RSPO2: variants seen among roughly 807,000 people sequenced by gnomAD.
RSPO2 encodes the protein R-spondin 2.
A neutral mutation model predicts 30.9 loss-of-function variants in RSPO2; 14 were observed. That is an observed-to-expected ratio of 0.45 (90% CI 0.30 to 0.71). The LOEUF (loss-of-function observed/expected upper bound fraction) is 0.71. RSPO2 is among the 30% of genes least tolerant of loss of function. RSPO2 has a pLI of 0.08. For missense variants in RSPO2, 264 were observed against 301.9 expected, an observed-to-expected ratio of 0.87 and a Z score of 0.93; for synonymous variants, 107 against 96.4, an observed-to-expected ratio of 1.11 and a Z score of -0.64.
At chr8:107,996,218 T>C (rs1163611705) in intron 2 of RSPO2, among the ~76,000 whole-genome samples, 1 of 152,094 alleles carries the variant, frequency 6.6e-6, no homozygotes, top group African/African-American at 2.4e-5. Flanking sequence ...CTAGAGAGAA[T>C]CCAACTCTTG....
chr8:107,956,362 A>G (rs761003934), intron 5 of RSPO2, among the ~76,000 whole-genome samples: 3 of 152,236 alleles, frequency 2.0e-5, no homozygotes, highest in Non-Finnish European at 4.4e-5. Flanking sequence ...AACTTCAGTA[A>G]GAATTAAATC....
intron 2 of RSPO2, among the ~76,000 whole-genome samples, chr8:108,029,939 A>G (rs2130631807): frequency 6.6e-6 from 1 of 152,236 alleles, no homozygotes; most frequent in East Asian, 1.9e-4. Flanking sequence ...AAAGTTCAGA[A>G]TCTAGTGAGG....
intron 2 of RSPO2, among the ~76,000 whole-genome samples, chr8:108,051,047 T>C (rs1812064068): frequency 6.6e-6 from 1 of 152,298 alleles, no homozygotes; most frequent in African/African-American, 2.4e-5. Flanking sequence ...TAAGGATGTA[T>C]GCAAGAGCTG....
At chr8:107,954,774 C>T (rs1252696487) in intron 5 of RSPO2, among the ~76,000 whole-genome samples, 1 of 152,040 alleles carries the variant, frequency 6.6e-6, no homozygotes, top group Non-Finnish European at 1.5e-5. Flanking sequence ...CCATGCCCAG[C>T]TAATTTTTGT....
chr8:108,010,800 G>A (rs1243291967), intron 2 of RSPO2, among the ~76,000 whole-genome samples: 1 of 152,112 alleles, frequency 6.6e-6, no homozygotes, highest in Non-Finnish European at 1.5e-5. Flanking sequence ...GGAAGGAAGA[G>A]CACACCCAGA....
intron 2 of RSPO2, among the ~76,000 whole-genome samples, chr8:108,047,344 ACT>A (rs1319165625): frequency 2.6e-5 from 4 of 152,178 alleles, no homozygotes; most frequent in Non-Finnish European, 5.9e-5. Flanking sequence ...ATGCAAGGAG[ACT>A]CTGGGGATTT....
At chr8:108,057,082 A>AAAAAAAAAAAAAAAAAAAAT (rs1812277441) in intron 2 of RSPO2, among the ~76,000 whole-genome samples, 1 of 128,552 alleles carries the variant, frequency 7.8e-6, no homozygotes. Flanking sequence ...AAAAAAAAAA[A>AAAAAAAAAAAAAAAAAAAAT]AAAAAAAAAA....
chr8:108,081,834 G>A (rs1813208170), intron 2 of RSPO2: 1 of 894,486 alleles, frequency 1.1e-6, no homozygotes, highest in South Asian at 5.1e-5. Context: ...AGCAAATGGA[G>A]AGAGCGAAGT....
At chr8:108,002,249 A>G (rs1815275635) in intron 2 of RSPO2, among the ~76,000 whole-genome samples, 1 of 152,172 alleles carries the variant, frequency 6.6e-6, no homozygotes, top group Admixed American at 6.5e-5. Context: ...TGAAGATTGC[A>G]AAACCACCAC....
chr8:108,064,326 A>G (rs1812583990), intron 2 of RSPO2, among the ~76,000 whole-genome samples: 1 of 152,210 alleles, frequency 6.6e-6, no homozygotes. Flanking sequence ...AAACAAATTT[A>G]CAAGAAAAAA....
intron 3 of RSPO2, among the ~76,000 whole-genome samples, chr8:107,970,233 T>C (rs986416046): frequency 2.0e-5 from 3 of 152,208 alleles, no homozygotes; most frequent in Non-Finnish European, 4.4e-5. Context: ...AAAAAAACTT[T>C]ATGAACATTG....
intron 3 of RSPO2, among the ~76,000 whole-genome samples, chr8:107,961,596 G>T (rs1813628577): frequency 6.6e-6 from 1 of 152,082 alleles, no homozygotes; most frequent in Non-Finnish European, 1.5e-5. Flanking sequence ...GTGCTTTCAG[G>T]TCTGTTACAT....
At chr8:108,013,724 G>C (rs1414427154) in intron 2 of RSPO2, among the ~76,000 whole-genome samples, 1 of 152,122 alleles carries the variant, frequency 6.6e-6, no homozygotes, top group Non-Finnish European at 1.5e-5. Context: ...AGACTTAAAT[G>C]TAAAACCCAA....
At chr8:108,082,043 T>G in intron 2 of RSPO2, 1 of 351,120 alleles carries the variant, frequency 2.8e-6, no homozygotes, top group Non-Finnish European at 4.0e-6. Flanking sequence ...GACACACGCT[T>G]GGGTACACCC....
chr8:107,975,572 T>C (rs1474775137), intron 3 of RSPO2, among the ~76,000 whole-genome samples: 2 of 152,232 alleles, frequency 1.3e-5, no homozygotes, highest in African/African-American at 4.8e-5. Context: ...ACATAGTATC[T>C]GGCACAAAAG....
chr8:107,928,488 T>C (rs1301924767), intron 5 of RSPO2, among the ~76,000 whole-genome samples: 1 of 152,194 alleles, frequency 6.6e-6, no homozygotes, highest in African/African-American at 2.4e-5. Flanking sequence ...AACCTTTTGA[T>C]TCCCTTTAGT....
chr8:108,000,493 GA>G (rs1320957751), intron 2 of RSPO2, among the ~76,000 whole-genome samples: 1 of 152,038 alleles, frequency 6.6e-6, no homozygotes, highest in African/African-American at 2.4e-5. Flanking sequence ...TTTTGTGGGG[GA>G]CACATCAATA....
intron 2 of RSPO2, among the ~76,000 whole-genome samples, chr8:108,078,823 A>G (rs1280678493): frequency 6.6e-6 from 1 of 152,210 alleles, no homozygotes; most frequent in Non-Finnish European, 1.5e-5. Context: ...TGAATTATAC[A>G]TTTGGAAACC....
intron 2 of RSPO2, among the ~76,000 whole-genome samples, chr8:108,026,067 C>A (rs2514834): frequency 1 from 152,213 of 152,316 alleles, 76,055 homozygotes; most frequent in Middle Eastern, 1. Context: ...AGTTAATGTC[C>A]CTAGAATGTG....
Sources: gnomAD v4.1 joint callset for allele counts (sites outside exome capture counted in the v4.1 genomes callset) on GRCh38, gnomAD v4.1.1 for gene constraint, MANE v1.5 for transcripts, NCBI Gene and HGNC (gene_info 2026-07-23, HGNC 2026-07-21) for gene names.